Variants in LNX1 observed in about 807,000 individuals in gnomAD.
The protein encoded by LNX1 is ligand of numb-protein X 1.
In LNX1, 54 loss-of-function variants were observed where a neutral mutation model predicts 68.4. That is an observed-to-expected ratio of 0.79 (90% CI 0.63 to 0.99). The LOEUF (loss-of-function observed/expected upper bound fraction) is 0.99, where lower values mean the gene tolerates loss of function less well. Among genes scored for constraint, LNX1 ranks in the 50% least tolerant of loss-of-function variants. The pLI is 0.00. For missense variants in LNX1, 906 were observed against 926.4 expected, an observed-to-expected ratio of 0.98 and a Z score of 0.29; for synonymous variants, 336 against 350.0, an observed-to-expected ratio of 0.96 and a Z score of 0.45.
intron 2 of LNX1, among the ~76,000 whole-genome samples, chr4:53,538,639 T>C (rs2109648533): frequency 6.6e-6 from 1 of 152,370 alleles, no homozygotes; most frequent in East Asian, 1.9e-4. Flanking sequence ...TTAAAAGCTC[T>C]TCCCCATGTA....
At chr4:53,490,951 C>T (rs1579399460) in intron 6 of LNX1, among the ~76,000 whole-genome samples, 2 of 152,040 alleles carry the variant, frequency 1.3e-5, no homozygotes, top group Admixed American at 6.6e-5. Context: ...GCTTATAAAG[C>T]ACGTTGGCTT....
At chr4:53,601,002 C>T (rs1278710157) in intron 2 of LNX1, among the ~76,000 whole-genome samples, 7 of 135,050 alleles carry the variant, frequency 5.2e-5, no homozygotes, top group Admixed American at 8.4e-5. Flanking sequence ...CACTTGAACC[C>T]GGGAGGCCGA....
At chr4:53,626,656 T>C in intron 1 of LNX1, among the ~76,000 whole-genome samples, 1 of 152,180 alleles carries the variant, frequency 6.6e-6, no homozygotes, top group East Asian at 1.9e-4. Flanking sequence ...ACATCTCTTC[T>C]CATTCAAAAG....
At chr4:53,642,515 T>A (rs1380091868) in intron 1 of LNX1, among the ~76,000 whole-genome samples, 1 of 152,176 alleles carries the variant, frequency 6.6e-6, no homozygotes, top group Non-Finnish European at 1.5e-5. Context: ...CTAGGGGCCC[T>A]TCCCACATAC....
At chr4:53,566,947 A>C (rs1050615803) in intron 2 of LNX1, among the ~76,000 whole-genome samples, 10 of 152,236 alleles carry the variant, frequency 6.6e-5, no homozygotes, top group Non-Finnish European at 1.5e-4. Flanking sequence ...AGAGCTAACT[A>C]TCCTAAATAT....
rs1173750282 is a variant in LNX1, at chr4:53,498,930, A to G, written c.776-87T>C. 4 of 938,536 alleles carry G rather than the reference A, an allele frequency of 4.3e-6. No homozygotes were observed. In the Admixed American group the frequency reaches 5.7e-5, roughly 13 times the overall value. 58.1% of individuals were successfully genotyped at this position (938,536 alleles called of 1,614,324 possible). Reference sequence around the variant, plus strand: ...TCTTGCCAAACTTCAGTGTCAGCCAAACTAAACTATTCATTTTTCCTCATA... The same window carrying G: ...TCTTGCCAAACTTCAGTGTCAGCCAGACTAAACTATTCATTTTTCCTCATA... On this transcript the variant is annotated intron_variant, in intron 4 of 10. Transcript: ENST00000263925.
chr4:53,464,414 G>C (rs1722489506), intron 9 of LNX1, among the ~76,000 whole-genome samples: 2 of 144,306 alleles, frequency 1.4e-5, no homozygotes, highest in African/African-American at 2.6e-5. Flanking sequence ...TGAATTTCTA[G>C]AAAAATGAAA....
At chr4:53,517,745 A>G (rs2109559428) in intron 2 of LNX1, among the ~76,000 whole-genome samples, 1 of 152,206 alleles carries the variant, frequency 6.6e-6, no homozygotes, top group East Asian at 1.9e-4. Flanking sequence ...ACTGAATTAC[A>G]TGGCTGCTCA....
At chr4:53,566,223 A>C (rs1204447436) in intron 2 of LNX1, among the ~76,000 whole-genome samples, 2 of 151,404 alleles carry the variant, frequency 1.3e-5, no homozygotes, top group African/African-American at 4.9e-5. Context: ...GAAATGAAGG[A>C]AAAAATGTTA....
At chr4:53,623,650 T>C (rs528194385) in intron 1 of LNX1, among the ~76,000 whole-genome samples, 2 of 152,272 alleles carry the variant, frequency 1.3e-5, no homozygotes, top group South Asian at 2.1e-4. Context: ...GCCAATCAAA[T>C]TCTCAATTTG....
At chr4:53,520,716 CTT>C (rs1727150170) in intron 2 of LNX1, among the ~76,000 whole-genome samples, 2 of 152,168 alleles carry the variant, frequency 1.3e-5, no homozygotes, top group Admixed American at 6.5e-5. Context: ...AATCCCAACA[CTT>C]TGGGAGGCTA....
At chr4:53,495,021 G>A (rs1724950350) in intron 6 of LNX1, among the ~76,000 whole-genome samples, 1 of 152,154 alleles carries the variant, frequency 6.6e-6, no homozygotes, top group Non-Finnish European at 1.5e-5. Flanking sequence ...GGAAATGGAT[G>A]TGGCAATAGA....
chr4:53,498,161 G>A (rs1215522384), intron 5 of LNX1, among the ~76,000 whole-genome samples: 6 of 152,130 alleles, frequency 3.9e-5, no homozygotes, highest in African/African-American at 9.7e-5. Context: ...AGGGAGGGCC[G>A]TAAGACTATA....
At chr4:53,621,145 T>C (rs1489063264), upstream of LNX1, among the ~76,000 whole-genome samples, 3 of 152,204 alleles carry the variant, frequency 2.0e-5, no homozygotes, top group African/African-American at 7.2e-5. Context: ...CAGAGGTCAC[T>C]CCTGACCTAT....
intron 1 of LNX1, among the ~76,000 whole-genome samples, chr4:53,629,431 C>T (rs1232678061): frequency 6.6e-6 from 1 of 152,158 alleles, no homozygotes; most frequent in African/African-American, 2.4e-5. Flanking sequence ...ATCTTTCTGT[C>T]CTTGCTTTGG....
At chr4:53,515,593 A>G (rs1227267167) in intron 2 of LNX1, among the ~76,000 whole-genome samples, 1 of 152,114 alleles carries the variant, frequency 6.6e-6, no homozygotes, top group Non-Finnish European at 1.5e-5. Flanking sequence ...TAATTTTGAT[A>G]TGATTTTATT....
intron 1 of LNX1, among the ~76,000 whole-genome samples, chr4:53,578,277 C>A (rs577085099): frequency 6.2e-4 from 95 of 152,254 alleles, no homozygotes; most frequent in Non-Finnish European, 1.1e-3. Context: ...GGGATATGTT[C>A]TGAGAGGTGC....
chr4:53,599,631 G>A (rs1732905658), intron 2 of LNX1, among the ~76,000 whole-genome samples: 1 of 151,960 alleles, frequency 6.6e-6, no homozygotes, highest in African/African-American at 2.4e-5. Context: ...GGTCTGGATC[G>A]GGACCCCTTT....
At chr4:53,576,306 G>C (rs923227039) in intron 1 of LNX1, 1 of 1,613,292 alleles carries the variant, frequency 6.2e-7, no homozygotes, top group African/African-American at 1.3e-5. Flanking sequence ...CCAAGTTCCA[G>C]GAGCTGCGGT....
Sources: gnomAD v4.1 joint callset for allele counts (sites outside exome capture counted in the v4.1 genomes callset) on GRCh38, gnomAD v4.1.1 for gene constraint, MANE v1.5 for transcripts, NCBI Gene and HGNC (gene_info 2026-07-23, HGNC 2026-07-21) for gene names.